Variants in HS1BP3 observed in about 807,000 individuals in gnomAD.
HS1BP3 encodes the protein HCLS1 binding protein 3, also known as HCLS1-binding protein 3.
HS1BP3 carries 32 observed loss-of-function variants against 33.5 expected under a neutral mutation model. That is an observed-to-expected ratio of 0.95 (90% CI 0.72 to 1.28). The LOEUF is 1.28. Among genes scored for constraint, HS1BP3 ranks in the 50% most tolerant of loss-of-function variants. The probability of loss-of-function intolerance (pLI) is 0.00; values close to 1 mark genes in which losing one functional copy is unlikely to be tolerated. For missense variants in HS1BP3, 486 were observed against 502.3 expected, an observed-to-expected ratio of 0.97 and a Z score of 0.31; for synonymous variants, 187 against 209.2, an observed-to-expected ratio of 0.89 and a Z score of 0.92.
chr2:20,574,066 G>A (rs1445388604), intron 5 of HS1BP3, among the ~76,000 whole-genome samples: 2 of 152,178 alleles, frequency 1.3e-5, no homozygotes, highest in Admixed American at 6.5e-5. Flanking sequence ...AAAAACCCAG[G>A]GAAGTGTCAT....
intron 5 of HS1BP3, among the ~76,000 whole-genome samples, chr2:20,574,019 A>C (rs931974887): frequency 2.0e-5 from 3 of 152,222 alleles, no homozygotes; most frequent in Non-Finnish European, 4.4e-5. Context: ...TGCCATAGAG[A>C]ATGCAAAACT....
At chr2:20,637,003 A>T (rs113453912) in intron 4 of HS1BP3, 65 of 150,174 alleles carry the variant, frequency 4.3e-4, no homozygotes, top group African/African-American at 1.5e-3. Flanking sequence ...TGAGGGCCCC[A>T]GAGTACAGAG....
downstream of HS1BP3, among the ~76,000 whole-genome samples, chr2:20,556,077 C>T (rs543140295): frequency 2.0e-5 from 3 of 152,352 alleles, no homozygotes; most frequent in South Asian, 6.2e-4. Context: ...ATGCCCATCT[C>T]ACTACCCAGA....
intron 5 of HS1BP3, among the ~76,000 whole-genome samples, chr2:20,586,040 C>T (rs972367081): frequency 3.9e-5 from 6 of 152,196 alleles, no homozygotes; most frequent in Non-Finnish European, 7.3e-5. Context: ...TGCCATACAC[C>T]GTGGCTGCAC....
chr2:20,609,501 T>C (rs779171309), intron 2 of HS1BP3, among the ~76,000 whole-genome samples: 4 of 152,110 alleles, frequency 2.6e-5, no homozygotes, highest in Non-Finnish European at 5.9e-5. Context: ...GTTTTCCGAA[T>C]ACTGAGGCTC....
At chr2:20,642,396 C>G (rs575347776) in intron 2 of HS1BP3, among the ~76,000 whole-genome samples, 12 of 152,332 alleles carry the variant, frequency 7.9e-5, no homozygotes, top group African/African-American at 2.9e-4. Context: ...GGGGAGTCAC[C>G]TGGGACAGGT....
At chr2:20,640,481 C>T (rs1572359466) in intron 3 of HS1BP3, 3 of 321,916 alleles carry the variant, frequency 9.3e-6, no homozygotes, top group Non-Finnish European at 1.7e-5. Flanking sequence ...AATTCCTCAG[C>T]CCGGAGCTGT....
Position 20,585,675 on chromosome 2 carries a change from T to C in HS1BP3, c.303-25160A>G, listed in dbSNP as rs116312828. On this transcript the variant is annotated intron_variant, in intron 5 of 5. Coordinates refer to the HS1BP3 transcript ENST00000446825. The stretch of plus-strand genomic sequence containing the variant: ...GGACCGAGAAGCTGCTATCTCCAAA[T>C]ACTAGAAAAATAACCATTAACGTCC... 6.4e-3 allele frequency among the ~76,000 whole-genome samples: 971 copies of C among 152,302 alleles called. 11 individuals carry two copies. The highest frequency in any genetic ancestry group is 0.021 in the African/African-American group (888 of 41,562).
chr2:20,632,686 T>A (rs1214536201), intron 4 of HS1BP3, among the ~76,000 whole-genome samples: 4 of 152,208 alleles, frequency 2.6e-5, no homozygotes, highest in African/African-American at 7.2e-5. Context: ...ATGGCAAGTG[T>A]GACCTCCCAG....
At chr2:20,573,145 AAC>A (rs1390906876) in intron 5 of HS1BP3, among the ~76,000 whole-genome samples, 1 of 152,198 alleles carries the variant, frequency 6.6e-6, no homozygotes, top group East Asian at 1.9e-4. Context: ...CTTACCTGGA[AAC>A]ACAGTCTTTG....
chr2:20,560,160 C>A (rs1387028987), downstream of HS1BP3, among the ~76,000 whole-genome samples: 1 of 152,198 alleles, frequency 6.6e-6, no homozygotes, highest in Non-Finnish European at 1.5e-5. Flanking sequence ...TCATGGCTAG[C>A]TTTGCAAACT....
chr2:20,645,367 G>C lies in HS1BP3; in HGVS notation c.171C>G (p.His57Gln). The change falls in exon 2 of 7, where the codon CAC becomes CAG. Residue 57 changes from histidine (H) to glutamine (Q), a missense_variant. Transcript: ENST00000304031. ...AGAACTGGACGACATCCTCGGGCCT[G>C]TGCTTGGCCGACTTGAACGCAGCCA... ...TRLAAFKSAKHRPEDVVQFLV... is the reference protein window; with the variant it reads ...TRLAAFKSAKQRPEDVVQFLV... 6.8e-6 allele frequency: 11 copies of C among 1,614,012 alleles called. No homozygotes were observed. Among genetic ancestry groups the C allele is most frequent in the Non-Finnish European group, 8.5e-6 (10 of 1,179,990 alleles).
intron 5 of HS1BP3, among the ~76,000 whole-genome samples, chr2:20,581,491 A>T (rs1487771839): frequency 6.6e-6 from 1 of 152,112 alleles, no homozygotes; most frequent in African/African-American, 2.4e-5. Context: ...CTGGGATTAC[A>T]GGCGTGCACC....
chr2:20,628,226 C>T (rs945425718), intron 4 of HS1BP3, among the ~76,000 whole-genome samples: 2 of 152,002 alleles, frequency 1.3e-5, no homozygotes, highest in South Asian at 2.1e-4. Flanking sequence ...GTGCTGGGGA[C>T]GAGGGAACAA....
intron 3 of HS1BP3, among the ~76,000 whole-genome samples, chr2:20,639,739 G>C (rs1695281102): frequency 6.6e-6 from 1 of 152,244 alleles, no homozygotes; most frequent in African/African-American, 2.4e-5. Context: ...TCTTGCAGAT[G>C]AGCAAAGTGA....
chr2:20,645,515 G>A lies in HS1BP3; in HGVS notation c.33-10C>T. 1.2e-6 allele frequency: 2 copies of A among 1,607,026 alleles called. No individual in the cohort carries two copies. Among genetic ancestry groups the A allele is most frequent in the Non-Finnish European group, 1.7e-6 (2 of 1,176,988 alleles). The stretch of plus-strand genomic sequence containing the variant: ...GGCATTCTGAAGTCGCCTGCCAGGG[G>A]AAAAGAAGGCAGGTGGGGTTCAGGG... On this transcript the variant is annotated splice_polypyrimidine_tract_variant and intron_variant, in intron 1 of 6. Coordinates refer to ENST00000304031, the MANE Select transcript of HS1BP3 (RefSeq NM_022460.4).
At position 20,623,904 on chromosome 2, in the gene HS1BP3, T is replaced by G; in HGVS notation, c.912A>C (p.Glu304Asp). The G allele has an allele frequency of 6.2e-7, 1 of 1,612,082 alleles. No homozygotes were observed. Residue 304 changes from glutamate (E) to aspartate (D), a missense_variant, in exon 6 of 7, where the codon GAA (glutamate) becomes GAC (aspartate). By Grantham distance (45) the Glu-to-Asp change is conservative. Coordinates refer to ENST00000304031, the MANE Select transcript of HS1BP3 (RefSeq NM_022460.4). ...PSLSHRDASK[E>D]LFRVEEDLDQ... ...CTGGGGACAGGTGGTACCTGAACAG[T>G]TCCTTGGAGGCGTCCCTGTGGCTGA... is the stretch of plus-strand genomic sequence containing the variant.
At chr2:20,645,660 G>T (rs13406099) in intron 1 of HS1BP3, among the ~76,000 whole-genome samples, 155 bp from the exon 2 acceptor site, 1 of 152,162 alleles carries the variant, frequency 6.6e-6, no homozygotes, top group Admixed American at 6.5e-5. Context: ...CACCCATCCC[G>T]CCACACCAGC....
chr2:20,579,509 G>A (rs1160868090), intron 5 of HS1BP3, among the ~76,000 whole-genome samples: 2 of 152,186 alleles, frequency 1.3e-5, no homozygotes, highest in African/African-American at 4.8e-5. Flanking sequence ...GGAGACTTCC[G>A]GCCCTCAGAG....
Sources: allele counts gnomAD v4.1 joint callset (sites outside exome capture counted in the v4.1 genomes callset), GRCh38; gene constraint gnomAD v4.1.1; transcripts MANE v1.5; gene names NCBI Gene and HGNC (gene_info 2026-07-23, HGNC 2026-07-21).